The following RUNX2 variants were observed in gnomAD, a reference collection of about 807,000 sequenced individuals.
RUNX2 encodes the protein runt-related transcription factor 2.
A neutral mutation model predicts 51.7 loss-of-function variants in RUNX2; 10 were observed. The ratio of observed to expected loss-of-function variants is 0.19; its 90% CI spans 0.12 to 0.33. RUNX2 has a LOEUF of 0.33. Ranked by LOEUF, RUNX2 falls within the 10% of genes least tolerant of loss-of-function variation. RUNX2 has a pLI of 1.00. For synonymous variants in RUNX2, 276 were observed against 273.6 expected, an observed-to-expected ratio of 1.01 and a Z score of -0.09; for missense variants, 562 against 691.3, an observed-to-expected ratio of 0.81 and a Z score of 2.10.
At chr6:45,371,857 C>T (rs1796121836) in intron 2 of RUNX2, 2 of 982,242 alleles carry the variant, frequency 2.0e-6, no homozygotes, top group African/African-American at 3.5e-5. Context: ...GTTTGAAAAT[C>T]ACTAATTTCC....
intron 7 of RUNX2, among the ~76,000 whole-genome samples, chr6:45,525,765 C>G (rs1312412218): frequency 2.0e-5 from 3 of 152,070 alleles, no homozygotes; most frequent in East Asian, 1.9e-4. Context: ...GAGGCTGAGG[C>G]GGGCAGTTTG....
intron 3 of RUNX2, among the ~76,000 whole-genome samples, chr6:45,427,180 TA>T (rs1440382135): frequency 6.6e-6 from 1 of 152,048 alleles, no homozygotes; most frequent in Non-Finnish European, 1.5e-5. Context: ...AGGTGGAAAA[TA>T]AATACTTATA....
At chr6:45,370,272 T>G (rs1324819826) in intron 2 of RUNX2, among the ~76,000 whole-genome samples, 1 of 152,160 alleles carries the variant, frequency 6.6e-6, no homozygotes, top group Non-Finnish European at 1.5e-5. Flanking sequence ...AGAACTGATT[T>G]GCTGATGGAT....
intron 2 of RUNX2, among the ~76,000 whole-genome samples, chr6:45,401,793 G>A (rs1236571934): frequency 1.3e-5 from 2 of 152,150 alleles, no homozygotes; most frequent in Admixed American, 6.5e-5. Flanking sequence ...TCTTCCAATG[G>A]CCTCTCTTCT....
At position 45,328,701 on chromosome 6, in the gene RUNX2, T is replaced by C. The variant is rs766348640; in HGVS notation, c.-26T>C. 8 of 1,611,854 alleles carry C rather than the reference T, an allele frequency of 5.0e-6. No individual in the cohort carries two copies. In the South Asian group the frequency reaches 7.7e-5, roughly 15 times the overall value. ...AGTATTTACAACAGAGGGTACAAGT[T>C]CTATCTGAAAAAAAAAGGAGGGACT... On this transcript the variant is annotated 5_prime_UTR_variant, in exon 2 of 9. Coordinates refer to ENST00000647337, the MANE Select transcript of RUNX2 (RefSeq NM_001024630.4).
chr6:45,513,589 T>C (rs1801229318), intron 7 of RUNX2: 3 of 152,154 alleles, frequency 2.0e-5, no homozygotes, highest in Admixed American at 2.0e-4. Context: ...CTCAAGCAAA[T>C]AGCAGGAAAG....
intron 2 of RUNX2, among the ~76,000 whole-genome samples, chr6:45,344,444 T>C (rs960932313): frequency 6.6e-6 from 1 of 152,122 alleles, no homozygotes; most frequent in Non-Finnish European, 1.5e-5. Context: ...TGGTTTTTTT[T>C]TTCATTCATG....
intron 2 of RUNX2, among the ~76,000 whole-genome samples, chr6:45,407,118 A>G (rs1261250380): frequency 6.6e-6 from 1 of 152,178 alleles, no homozygotes; most frequent in Non-Finnish European, 1.5e-5. Context: ...AGTTTTATTT[A>G]CTATTAATAT....
At chr6:45,517,252 G>A (rs948868927) in intron 7 of RUNX2, among the ~76,000 whole-genome samples, 2 of 152,028 alleles carry the variant, frequency 1.3e-5, no homozygotes, top group African/African-American at 4.8e-5. Flanking sequence ...CGTGATCATA[G>A]CTCACTGCAG....
At chr6:45,545,170 C>A in intron 7 of RUNX2, 47 bp from the exon 8 acceptor site, 1 of 1,426,650 alleles carries the variant, frequency 7.0e-7, no homozygotes, top group Non-Finnish European at 9.6e-7. Flanking sequence ...AGTCATAGAA[C>A]ATTAGAGCTG....
chr6:45,404,316 G>GAAAAAAGA (rs1554380916), intron 2 of RUNX2, among the ~76,000 whole-genome samples: 3 of 130,500 alleles, frequency 2.3e-5, no homozygotes, highest in African/African-American at 8.6e-5. Context: ...AAAGAAAAAA[G>GAAAAAAGA]AAAAAAAAGT....
chr6:45,433,160 A>G (rs1253591233), intron 4 of RUNX2, among the ~76,000 whole-genome samples: 1 of 152,216 alleles, frequency 6.6e-6, no homozygotes, highest in Non-Finnish European at 1.5e-5. Context: ...AAAATGATTC[A>G]TGCTAATGAG....
chr6:45,429,212 C>A (rs1798469026), intron 3 of RUNX2, among the ~76,000 whole-genome samples: 1 of 152,124 alleles, frequency 6.6e-6, no homozygotes, highest in Non-Finnish European at 1.5e-5. Context: ...AGTGGAGCCT[C>A]TTGATTTTGG....
chr6:45,490,727 G>T (rs1486130104), intron 5 of RUNX2, among the ~76,000 whole-genome samples: 1 of 151,902 alleles, frequency 6.6e-6, no homozygotes, highest in Non-Finnish European at 1.5e-5. Context: ...TTCTTTTATG[G>T]ATAATATTCT....
intron 5 of RUNX2, among the ~76,000 whole-genome samples, chr6:45,479,438 G>T (rs1800048137): frequency 6.6e-6 from 1 of 152,196 alleles, no homozygotes; most frequent in Non-Finnish European, 1.5e-5. Context: ...AGAGTATAAA[G>T]CATGTGGGGC....
intron 2 of RUNX2, chr6:45,421,404 C>A (rs906351579): frequency 1.3e-5 from 2 of 150,006 alleles, no homozygotes; most frequent in Non-Finnish European, 3.0e-5. Context: ...CTCCACCCCC[C>A]CTCCTCATTT....
chr6:45,510,080 T>C (rs985967143), intron 6 of RUNX2, among the ~76,000 whole-genome samples: 3 of 152,228 alleles, frequency 2.0e-5, no homozygotes, highest in Non-Finnish European at 2.9e-5. Flanking sequence ...ATTTACCGTT[T>C]CTCTGAATAC....
chr6:45,332,824 A>C (rs1787777211), intron 2 of RUNX2, among the ~76,000 whole-genome samples: 1 of 151,772 alleles, frequency 6.6e-6, no homozygotes, highest in Non-Finnish European at 1.5e-5. Context: ...CTAGTCACTC[A>C]CAAGTCAGAC....
intron 5 of RUNX2, among the ~76,000 whole-genome samples, chr6:45,481,840 A>G (rs751180684): frequency 5.3e-5 from 8 of 152,252 alleles, no homozygotes; most frequent in Non-Finnish European, 1.0e-4. Flanking sequence ...AGCTAGTCTC[A>G]GTATTTTTCT....
Sources: allele counts gnomAD v4.1 joint callset (sites outside exome capture counted in the v4.1 genomes callset), GRCh38; gene constraint gnomAD v4.1.1; transcripts MANE v1.5; gene names NCBI Gene and HGNC (gene_info 2026-07-23, HGNC 2026-07-21).